Variants in CHN2 observed in about 807,000 individuals in gnomAD.
The protein encoded by CHN2 is chimerin 2, also known as beta-chimaerin.
A neutral mutation model predicts 56.3 loss-of-function variants in CHN2; 35 were observed. That is an observed-to-expected ratio of 0.62 (90% CI 0.47 to 0.82). CHN2 has a LOEUF of 0.82. Ranked by LOEUF, CHN2 falls within the 40% of genes least tolerant of loss-of-function variation. The pLI is 0.00. For synonymous variants in CHN2, 210 were observed against 212.8 expected (o/e 0.99, Z 0.12); for missense variants, 491 against 580.5 (o/e 0.85, Z 1.58).
intron 6 of CHN2, among the ~76,000 whole-genome samples, chr7:29,433,994 G>A (rs959006331): frequency 7.2e-5 from 11 of 152,086 alleles, no homozygotes; most frequent in African/African-American, 2.4e-4. Flanking sequence ...GAGATAAACC[G>A]GTAGTGTGTC....
intron 1 of CHN2, among the ~76,000 whole-genome samples, chr7:29,350,550 T>G (rs1797802996): frequency 6.6e-6 from 1 of 152,176 alleles, no homozygotes; most frequent in African/African-American, 2.4e-5. Flanking sequence ...GCCCCTCACT[T>G]TGAATTCTTT....
intron 1 of CHN2, among the ~76,000 whole-genome samples, chr7:29,298,118 A>G (rs1459303953): frequency 6.6e-6 from 1 of 152,186 alleles, no homozygotes; most frequent in East Asian, 1.9e-4. Context: ...CTAAAGCATA[A>G]GAATTATTTG....
intron 7 of CHN2, 42 bp from the exon 8 acceptor site, chr7:29,495,910 G>A (rs555049526): frequency 6.4e-7 from 1 of 1,564,812 alleles, no homozygotes; most frequent in East Asian, 2.2e-5. Flanking sequence ...GCCTTTAAAT[G>A]ACTCTGAGCT....
chr7:29,336,934 C>G (rs528703786), intron 1 of CHN2, among the ~76,000 whole-genome samples: 25 of 152,258 alleles, frequency 1.6e-4, no homozygotes, highest in African/African-American at 5.5e-4. Flanking sequence ...ATGTCATCTC[C>G]TCTGTGAGGT....
intron 2 of CHN2, among the ~76,000 whole-genome samples, chr7:29,155,696 A>G (rs1043743735): frequency 1.2e-4 from 19 of 152,144 alleles, no homozygotes; most frequent in Non-Finnish European, 2.6e-4. Flanking sequence ...GTGTTTTTAA[A>G]TCCTGTCCTT....
At chr7:29,175,762 C>CA (rs1202646539) in intron 2 of CHN2, among the ~76,000 whole-genome samples, 9 of 151,746 alleles carry the variant, frequency 5.9e-5, no homozygotes, top group East Asian at 5.8e-4. Flanking sequence ...AAAAACAAAA[C>CA]AAAAAAACAG....
intron 6 of CHN2, among the ~76,000 whole-genome samples, chr7:29,448,678 C>A (rs1784195287): frequency 6.6e-6 from 1 of 152,164 alleles, no homozygotes; most frequent in Admixed American, 6.5e-5. Context: ...AATTCTATTC[C>A]CTTTGCCTGA....
chr7:29,287,223 A>C (rs1027873496), intron 1 of CHN2, among the ~76,000 whole-genome samples: 1 of 152,122 alleles, frequency 6.6e-6, no homozygotes, highest in African/African-American at 2.4e-5. Context: ...GGTCTTCTTC[A>C]CTGAACTTTT....
At chr7:29,245,225 A>G (rs960047032) in intron 1 of CHN2, among the ~76,000 whole-genome samples, 1 of 152,190 alleles carries the variant, frequency 6.6e-6, no homozygotes, top group Non-Finnish European at 1.5e-5. Flanking sequence ...GCGGTCCTTA[A>G]CTAATCTGTA....
At chr7:29,459,745 C>T (rs1407713093) in intron 6 of CHN2, among the ~76,000 whole-genome samples, 3 of 152,136 alleles carry the variant, frequency 2.0e-5, no homozygotes, top group African/African-American at 7.2e-5. Context: ...CTTGTCTCCC[C>T]CTCTCCTCCC....
chr7:29,174,438 GAGGGACAGGAACCTGTCCAGACA>G (rs1236918967), intron 2 of CHN2, among the ~76,000 whole-genome samples: 6 of 152,210 alleles, frequency 3.9e-5, no homozygotes, highest in Non-Finnish European at 7.3e-5. Flanking sequence ...TCTCCCCCAA[GAGGGACAGGAACCTGTCCAGACA>G]AGGGACAGGT....
At chr7:29,457,144 C>G (rs1284791698) in intron 6 of CHN2, among the ~76,000 whole-genome samples, 1 of 152,158 alleles carries the variant, frequency 6.6e-6, no homozygotes, top group Non-Finnish European at 1.5e-5. Context: ...CGTGAGGCCC[C>G]CAACAAAGTG....
At chr7:29,378,567 T>C (rs1482805793) in intron 3 of CHN2, among the ~76,000 whole-genome samples, 5 of 152,224 alleles carry the variant, frequency 3.3e-5, no homozygotes, top group African/African-American at 1.2e-4. Flanking sequence ...CAGAGCTGAG[T>C]ACTTGAGACA....
chr7:29,259,070 G>A (rs965427693), intron 1 of CHN2, among the ~76,000 whole-genome samples: 2 of 150,954 alleles, frequency 1.3e-5, no homozygotes, highest in African/African-American at 4.9e-5. Flanking sequence ...GCTCATGCCT[G>A]TAATCCCAAC....
At chr7:29,400,953 A>C (rs2128085310) in intron 6 of CHN2, 125 bp downstream of exon 6, 1 of 920,650 alleles carries the variant, frequency 1.1e-6, no homozygotes, top group Non-Finnish European at 1.6e-6. Flanking sequence ...GAACTCTAGA[A>C]TGTTAGGGCC....
intron 3 of CHN2, among the ~76,000 whole-genome samples, chr7:29,388,749 A>G (rs1229822489): frequency 6.6e-6 from 1 of 152,214 alleles, no homozygotes; most frequent in African/African-American, 2.4e-5. Context: ...TTATGGCCTC[A>G]TCTGGTTTGA....
rs199626876 is a variant in CHN2, at chr7:29,488,681, A to AC, written c.655-7264dup. On this transcript the variant is annotated intron_variant, in intron 7 of 12. Coordinates refer to ENST00000222792, the MANE Select transcript of CHN2 (RefSeq NM_004067.4). ...ACTGCTTCTCAATAAAGGAAACTTC[A>AC]CCCCCCCACCTCCCCCTGACCCCTG... Among the ~76,000 whole-genome samples, 1,143 of 151,990 alleles carry AC rather than the reference A, an allele frequency of 7.5e-3. 7 individuals carry two copies. Among genetic ancestry groups the AC allele is most frequent in the African/African-American group, 0.011 (463 of 41,430 alleles).
intron 2 of CHN2, chr7:29,184,412 T>C (rs1227830628): frequency 3.3e-5 from 5 of 152,118 alleles, no homozygotes; most frequent in Non-Finnish European, 7.4e-5. Context: ...GTATATGCAA[T>C]TGGCTCACTG....
intron 7 of CHN2, among the ~76,000 whole-genome samples, chr7:29,489,125 C>T (rs1165231351): frequency 1.3e-5 from 2 of 152,208 alleles, no homozygotes; most frequent in East Asian, 3.8e-4. Flanking sequence ...TTGAGAGATA[C>T]TTGCTAAATG....
Sources: gnomAD v4.1 joint callset for allele counts (sites outside exome capture counted in the v4.1 genomes callset) on GRCh38, gnomAD v4.1.1 for gene constraint, MANE v1.5 for transcripts, NCBI Gene and HGNC (gene_info 2026-07-23, HGNC 2026-07-21) for gene names.